The following FRMD4B variants were observed in gnomAD, a reference collection of about 807,000 sequenced individuals.
The protein encoded by FRMD4B is FERM domain containing 4B, also known as FERM domain-containing protein 4B.
Under a neutral mutation model 141.5 loss-of-function variants are expected in FRMD4B, and 74 were observed. That is an observed-to-expected ratio of 0.52 (90% CI 0.43 to 0.63). FRMD4B has a LOEUF of 0.63. Ranked by LOEUF, FRMD4B falls within the 30% of genes least tolerant of loss-of-function variation. FRMD4B has a pLI of 0.00. For synonymous variants in FRMD4B, 506 were observed against 467.9 expected (o/e 1.08, Z -1.05); for missense variants, 1,366 against 1,253.4 (o/e 1.09, Z -1.36).
chr3:69,314,591 TG>T (rs1227239510), intron 1 of FRMD4B, among the ~76,000 whole-genome samples: 1 of 151,520 alleles, frequency 6.6e-6, no homozygotes, highest in Non-Finnish European at 1.5e-5. Context: ...CCCAACACTT[TG>T]GGGGGGCCAA....
chr3:69,482,841 G>C (rs1278678085), intron 1 of FRMD4B, among the ~76,000 whole-genome samples: 1 of 152,026 alleles, frequency 6.6e-6, no homozygotes, highest in Non-Finnish European at 1.5e-5. Flanking sequence ...TTTTTGGTTT[G>C]CTTTTAACCA....
At chr3:69,205,860 A>G (rs1559715886) in intron 11 of FRMD4B, among the ~76,000 whole-genome samples, 3 of 152,232 alleles carry the variant, frequency 2.0e-5, no homozygotes, top group Non-Finnish European at 1.5e-5. Flanking sequence ...CTCTGAAACA[A>G]TTAATTCTGG....
At chr3:69,291,568 T>C (rs143738447) in intron 4 of FRMD4B, among the ~76,000 whole-genome samples, 11 of 152,272 alleles carry the variant, frequency 7.2e-5, no homozygotes, top group African/African-American at 2.2e-4. Flanking sequence ...TTTTTTCTGC[T>C]CTACTAAAAC....
At chr3:69,298,090 C>T (rs1213623068) in intron 4 of FRMD4B, among the ~76,000 whole-genome samples, 1 of 152,200 alleles carries the variant, frequency 6.6e-6, no homozygotes, top group Non-Finnish European at 1.5e-5. Context: ...TGTAGGACCT[C>T]AGGGTTTAGC....
intron 1 of FRMD4B, among the ~76,000 whole-genome samples, chr3:69,321,729 T>A (rs1285450522): frequency 1.3e-5 from 2 of 152,146 alleles, no homozygotes; most frequent in African/African-American, 4.8e-5. Context: ...ATTTTTTTTT[T>A]TTCTACACAG....
rs1331322652 is a variant in FRMD4B at position 69,375,450 on chromosome 3, A to C, written c.162+10378T>G. 3.3e-5 allele frequency among the ~76,000 whole-genome samples: 5 copies of C among 149,546 alleles called. No homozygotes were observed. The Admixed American group carries it at 3.4e-4, about 10-fold the overall frequency. On this transcript the variant is annotated intron_variant, in intron 1 of 22. Coordinates refer to ENST00000398540, the MANE Select transcript of FRMD4B (RefSeq NM_015123.3). ...ACCATCCCAAGAAAATAACTCTTTG[A>C]TGTAGGCACTATAATTGTCCACATT... is the stretch of plus-strand genomic sequence containing the variant.
rs1391619685 is a variant in FRMD4B at position 69,385,981 on chromosome 3, C to G, written c.9G>C (p.Ser3=). 3 of 1,592,504 alleles carry G rather than the reference C, an allele frequency of 1.9e-6. No individual in the cohort carries two copies. Among genetic ancestry groups the G allele is most frequent in the Non-Finnish European group, 2.6e-6 (3 of 1,168,370 alleles). The change falls in exon 1 of 23, where the codon TCG becomes TCC. Residue 3 remains serine (S), a synonymous_variant. Coordinates refer to ENST00000398540, the MANE Select transcript of FRMD4B (RefSeq NM_015123.3). The part of the protein sequence containing the change: MA[S]VFMCGVEDLL... The stretch of plus-strand genomic sequence containing the variant: ...GGTCCTCCACGCCACACATGAACAC[C>G]GAAGCCATGCCTCCTCCTTCGCTCT...
intron 1 of FRMD4B, among the ~76,000 whole-genome samples, chr3:69,476,292 T>G (rs1162309782): frequency 0.026 from 3,972 of 150,818 alleles, 163 homozygotes; most frequent in African/African-American, 0.093. Context: ...CCTATGTCCT[T>G]AATGGTAATG....
chr3:69,264,722 GACAA>G (rs1412631314), intron 5 of FRMD4B, among the ~76,000 whole-genome samples: 2 of 152,038 alleles, frequency 1.3e-5, no homozygotes, highest in African/African-American at 2.4e-5. Flanking sequence ...GAGTTTTGAG[GACAA>G]ACAAAGATGA....
chr3:69,302,541 T>A, intron 3 of FRMD4B, 106 bp from the exon 4 acceptor site: 1 of 716,306 alleles, frequency 1.4e-6, no homozygotes, highest in Non-Finnish European at 2.5e-6. Flanking sequence ...CATACACCGA[T>A]GGTAGGAGCA....
At chr3:69,485,911 T>A (rs1281826890) in intron 1 of FRMD4B, among the ~76,000 whole-genome samples, 1 of 152,240 alleles carries the variant, frequency 6.6e-6, no homozygotes, top group Non-Finnish European at 1.5e-5. Context: ...GGCCCATCGC[T>A]GCCATCACTA....
chr3:69,338,814 GCA>G (rs1702641332), intron 1 of FRMD4B, among the ~76,000 whole-genome samples: 1 of 151,952 alleles, frequency 6.6e-6, no homozygotes, highest in Admixed American at 6.6e-5. Flanking sequence ...GAACCAACCT[GCA>G]CACATACCCC....
At chr3:69,420,570 A>T (rs1704957675) in intron 2 of FRMD4B, among the ~76,000 whole-genome samples, 1 of 151,920 alleles carries the variant, frequency 6.6e-6, no homozygotes, top group Non-Finnish European at 1.5e-5. Flanking sequence ...TCTGAATTAG[A>T]GATGTTCGGG....
At chr3:69,364,170 A>G (rs1559830914) in intron 1 of FRMD4B, among the ~76,000 whole-genome samples, 1 of 152,352 alleles carries the variant, frequency 6.6e-6, no homozygotes, top group East Asian at 1.9e-4. Context: ...CAGGGAGCAA[A>G]GTAACAAGTT....
intron 19 of FRMD4B, among the ~76,000 whole-genome samples, chr3:69,186,957 C>G (rs1301235748): frequency 6.6e-6 from 1 of 152,188 alleles, no homozygotes; most frequent in African/African-American, 2.4e-5. Flanking sequence ...TTTCTAAAAC[C>G]TGGTCTCATT....
chr3:69,508,210 A>T (rs1375401733), intron 1 of FRMD4B, among the ~76,000 whole-genome samples: 1 of 152,178 alleles, frequency 6.6e-6, no homozygotes, highest in Admixed American at 6.6e-5. Flanking sequence ...AACATAATAA[A>T]GGGTAACATT....
intron 5 of FRMD4B, among the ~76,000 whole-genome samples, chr3:69,264,898 A>C (rs576894275): frequency 2.0e-5 from 3 of 152,274 alleles, no homozygotes; most frequent in Middle Eastern, 6.8e-3. Flanking sequence ...GATAGGAATA[A>C]ACGGAGACAG....
chr3:69,433,989 A>G (rs994386432), intron 1 of FRMD4B, among the ~76,000 whole-genome samples: 4 of 152,234 alleles, frequency 2.6e-5, no homozygotes, highest in Admixed American at 6.5e-5. Context: ...AAAATGTTAC[A>G]CAGGGCAGAG....
intron 5 of FRMD4B, among the ~76,000 whole-genome samples, chr3:69,275,035 A>C (rs537871355): frequency 1.3e-5 from 2 of 152,348 alleles, no homozygotes; most frequent in South Asian, 4.1e-4. Flanking sequence ...AACATATGGC[A>C]TGAGGATGAA....
Sources: gnomAD v4.1 joint callset for allele counts (sites outside exome capture counted in the v4.1 genomes callset) on GRCh38, gnomAD v4.1.1 for gene constraint, MANE v1.5 for transcripts, NCBI Gene and HGNC (gene_info 2026-07-23, HGNC 2026-07-21) for gene names.